CCSER1: variants seen among roughly 807,000 people sequenced by gnomAD.
CCSER1 encodes the protein serine-rich coiled-coil domain-containing protein 1.
Under a neutral mutation model 82.0 loss-of-function variants are expected in CCSER1, and 41 were observed. The observed-to-expected ratio is 0.50, with a 90% CI of 0.39 to 0.65. CCSER1 has a LOEUF of 0.65. CCSER1 is among the 30% of genes least tolerant of loss of function. CCSER1 has a pLI of 0.00. For missense variants in CCSER1, 1,119 were observed against 1,064.2 expected (o/e 1.05, Z -0.72); for synonymous variants, 414 against 383.9 (o/e 1.08, Z -0.92).
At chr4:90,610,252 C>CAAAT (rs201777020) in intron 5 of CCSER1, among the ~76,000 whole-genome samples, 9,674 of 135,920 alleles carry the variant, frequency 0.071, 371 homozygotes, top group South Asian at 0.093. Flanking sequence ...GACTCCATCT[C>CAAAT]AAATAAATAA....
At chr4:91,009,241 C>T (rs1222230693) in intron 9 of CCSER1, among the ~76,000 whole-genome samples, 1 of 152,162 alleles carries the variant, frequency 6.6e-6, no homozygotes, top group African/African-American at 2.4e-5. Flanking sequence ...ACAGAGCTCC[C>T]ATACAAAGGG....
chr4:90,586,062 C>T (rs1483608852), intron 5 of CCSER1, among the ~76,000 whole-genome samples: 1 of 152,130 alleles, frequency 6.6e-6, no homozygotes, highest in African/African-American at 2.4e-5. Flanking sequence ...TCCCTGATAT[C>T]AGTCTGTGGA....
At chr4:91,340,131 G>T (rs1368815695) in intron 10 of CCSER1, among the ~76,000 whole-genome samples, 1 of 151,978 alleles carries the variant, frequency 6.6e-6, no homozygotes, top group African/African-American at 2.4e-5. Context: ...AACAAAAAAA[G>T]ATTAATTTAT....
chr4:91,095,055 G>T (rs921677956), intron 10 of CCSER1, among the ~76,000 whole-genome samples: 1 of 152,048 alleles, frequency 6.6e-6, no homozygotes. Context: ...TGGTTTTTTT[G>T]ATAAGAGGGC....
At chr4:90,712,513 A>T (rs147582580) in intron 6 of CCSER1, among the ~76,000 whole-genome samples, 1 of 151,972 alleles carries the variant, frequency 6.6e-6, no homozygotes, top group Non-Finnish European at 1.5e-5. Context: ...TTTTTTTATG[A>T]TTTAAAATCT....
intron 10 of CCSER1, among the ~76,000 whole-genome samples, chr4:91,538,687 TTATATATACACATA>T (rs1166603496): frequency 1.1e-5 from 1 of 93,286 alleles, no homozygotes; most frequent in Non-Finnish European, 2.1e-5. Flanking sequence ...ATGATATATA[TTATATATACACATA>T]TATATATATA....
chr4:91,438,435 A>G (rs1055835056), intron 10 of CCSER1, among the ~76,000 whole-genome samples: 1 of 152,172 alleles, frequency 6.6e-6, no homozygotes, highest in Non-Finnish European at 1.5e-5. Context: ...GTCTGTTAGA[A>G]GGAAAACTAA....
intron 1 of CCSER1, among the ~76,000 whole-genome samples, chr4:90,305,153 T>G (rs1390332066): frequency 6.6e-6 from 1 of 152,160 alleles, no homozygotes; most frequent in African/African-American, 2.4e-5. Flanking sequence ...CCTGACCTCG[T>G]GATCTGCCTG....
intron 6 of CCSER1, among the ~76,000 whole-genome samples, chr4:90,631,097 G>A (rs928905927): frequency 3.3e-5 from 5 of 152,036 alleles, no homozygotes; most frequent in East Asian, 3.9e-4. Context: ...GTTTCACTGC[G>A]TTGGCCAGGA....
At chr4:90,583,608 G>A (rs867664199) in intron 5 of CCSER1, among the ~76,000 whole-genome samples, 2 of 151,974 alleles carry the variant, frequency 1.3e-5, no homozygotes, top group Admixed American at 6.6e-5. Context: ...TCTTGGTGAC[G>A]ACCGAAACTT....
intron 5 of CCSER1, among the ~76,000 whole-genome samples, chr4:90,483,805 A>C (rs1397778136): frequency 6.6e-6 from 1 of 151,892 alleles, no homozygotes; most frequent in Non-Finnish European, 1.5e-5. Context: ...TGCCCTTAAC[A>C]TTTTTTCCTT....
chr4:90,364,983 C>T (rs1303159781), intron 3 of CCSER1, among the ~76,000 whole-genome samples: 1 of 151,532 alleles, frequency 6.6e-6, no homozygotes, highest in East Asian at 1.9e-4. Context: ...TTTTAAGAAA[C>T]ACCATCAGTA....
At chr4:91,072,615 A>G (rs1721551834) in intron 9 of CCSER1, among the ~76,000 whole-genome samples, 1 of 152,128 alleles carries the variant, frequency 6.6e-6, no homozygotes, top group South Asian at 2.1e-4. Context: ...ACATAAAAAT[A>G]AAGTATTAGT....
At chr4:90,960,441 T>C (rs1474203573) in intron 9 of CCSER1, among the ~76,000 whole-genome samples, 1 of 152,184 alleles carries the variant, frequency 6.6e-6, no homozygotes, top group African/African-American at 2.4e-5. Flanking sequence ...CTCCTATTTA[T>C]TCTACCCAGT....
At chr4:91,330,458 C>T (rs984567342) in intron 10 of CCSER1, among the ~76,000 whole-genome samples, 1 of 151,506 alleles carries the variant, frequency 6.6e-6, no homozygotes, top group African/African-American at 2.4e-5. Flanking sequence ...TTCTATTTGT[C>T]TCTTTCTATT....
In CCSER1 at chr4:90,728,501, G is replaced by T. The variant is rs114667684; in HGVS notation, c.2010+4510G>T. On this transcript the variant is annotated intron_variant, in intron 7 of 10. Coordinates refer to ENST00000509176, the MANE Select transcript of CCSER1 (RefSeq NM_001145065.2). ...CACAGAGCCACTTTGCTTAAGCAGGGGATAGAAGGGAGGAAGTAGATAAAT... is the reference window on the plus strand; with the variant it reads ...CACAGAGCCACTTTGCTTAAGCAGGTGATAGAAGGGAGGAAGTAGATAAAT... 3.7e-3 allele frequency among the ~76,000 whole-genome samples: 563 copies of T among 152,218 alleles called. 6 individuals are homozygous for T. Among genetic ancestry groups the T allele is most frequent in the African/African-American group, 0.013 (542 of 41,534 alleles).
rs1176499740 is a variant in CCSER1 at position 91,225,352 on chromosome 4, G to GA, written c.2217+139358_2217+139359insA. On this transcript the variant is annotated intron_variant, in intron 10 of 10. Transcript: ENST00000509176. ...TATATATTATATATGTAATATATAT[G>GA]TATATATATTATATATGTAATATAT... Among the ~76,000 whole-genome samples the GA allele has an allele frequency of 1.2e-4, 8 of 68,380 alleles. No individual in the cohort carries two copies. In the East Asian group the frequency reaches 3.8e-3, roughly 32 times the overall value. The allele number at this position is 68,380 out of a possible 152,430, so 44.9% of individuals were successfully genotyped here.
intron 6 of CCSER1, among the ~76,000 whole-genome samples, chr4:90,722,239 A>C (rs2149368900): frequency 6.6e-6 from 1 of 151,976 alleles, no homozygotes; most frequent in Non-Finnish European, 1.5e-5. Context: ...ATGATACTTT[A>C]ATAAGCTATG....
chr4:90,377,818 G>C (rs1477204629), intron 3 of CCSER1, among the ~76,000 whole-genome samples: 1 of 151,998 alleles, frequency 6.6e-6, no homozygotes, highest in Non-Finnish European at 1.5e-5. Context: ...GGAAATAAAT[G>C]ATAATTAGAT....
Sources: gnomAD v4.1 joint callset for allele counts (sites outside exome capture counted in the v4.1 genomes callset) on GRCh38, gnomAD v4.1.1 for gene constraint, MANE v1.5 for transcripts, NCBI Gene and HGNC (gene_info 2026-07-23, HGNC 2026-07-21) for gene names.